RAD51B: variants seen among roughly 807,000 people sequenced by gnomAD.
The protein encoded by RAD51B is RAD51 paralog B, also known as DNA repair protein RAD51 homolog 2.
A neutral mutation model predicts 42.2 loss-of-function variants in RAD51B; 38 were observed. The observed-to-expected ratio is 0.90, with a 90% CI of 0.70 to 1.18. The LOEUF (loss-of-function observed/expected upper bound fraction) is 1.18. Among genes scored for constraint, RAD51B ranks in the 50% most tolerant of loss-of-function variants. The probability of loss-of-function intolerance (pLI) is 0.00; values close to 1 mark genes in which losing one functional copy is unlikely to be tolerated. For missense variants in RAD51B, 373 were observed against 400.7 expected (o/e 0.93, Z 0.59); for synonymous variants, 154 against 145.2 (o/e 1.06, Z -0.43).
At chr14:68,655,561 T>C (rs1892797836) in intron 11 of RAD51B, among the ~76,000 whole-genome samples, 1 of 152,030 alleles carries the variant, frequency 6.6e-6, no homozygotes, top group South Asian at 2.1e-4. Context: ...GATGGGCAGA[T>C]TTAGTTCATC....
intron 7 of RAD51B, among the ~76,000 whole-genome samples, chr14:67,991,771 A>G (rs1304352611): frequency 6.6e-6 from 1 of 152,206 alleles, no homozygotes; most frequent in Non-Finnish European, 1.5e-5. Context: ...ATTGGGTGAT[A>G]TAGACAGTCT....
At chr14:68,001,080 G>C (rs1300812377) in intron 7 of RAD51B, among the ~76,000 whole-genome samples, 1 of 151,920 alleles carries the variant, frequency 6.6e-6, no homozygotes, top group Non-Finnish European at 1.5e-5. Flanking sequence ...ATTTATTCAT[G>C]GGTTTTTAAT....
chr14:67,820,456 G>T (rs1041760266), intron 1 of RAD51B, among the ~76,000 whole-genome samples: 2 of 152,032 alleles, frequency 1.3e-5, no homozygotes, highest in African/African-American at 4.8e-5. Context: ...TTCTTTTCTT[G>T]GTGGTAAGGA....
intron 7 of RAD51B, among the ~76,000 whole-genome samples, chr14:68,091,103 G>T (rs1793226281): frequency 6.6e-6 from 1 of 151,984 alleles, no homozygotes; most frequent in African/African-American, 2.4e-5. Context: ...GTCTATCATT[G>T]TTGGACATTT....
At chr14:68,257,985 A>G (rs2080789201) in intron 7 of RAD51B, among the ~76,000 whole-genome samples, 2 of 152,226 alleles carry the variant, frequency 1.3e-5, no homozygotes, top group African/African-American at 2.4e-5. Context: ...AGTGCCACAC[A>G]TTATGCTGGA....
At chr14:68,004,865 C>A (rs1446893445) in intron 7 of RAD51B, among the ~76,000 whole-genome samples, 3 of 150,028 alleles carry the variant, frequency 2.0e-5, no homozygotes, top group South Asian at 2.1e-4. Context: ...ATACAGAATG[C>A]TTTTTTTTTG....
At chr14:67,824,180 C>T (rs1003982529) in intron 2 of RAD51B, among the ~76,000 whole-genome samples, 1 of 152,254 alleles carries the variant, frequency 6.6e-6, no homozygotes, top group Non-Finnish European at 1.5e-5. Context: ...CCAGCCTCAA[C>T]TCCCAGCTAG....
chr14:68,293,663 C>A (rs1429510983), intron 8 of RAD51B, among the ~76,000 whole-genome samples: 1 of 152,208 alleles, frequency 6.6e-6, no homozygotes, highest in Non-Finnish European at 1.5e-5. Context: ...ACATCCACTC[C>A]TTCGAGGCTT....
intron 7 of RAD51B, among the ~76,000 whole-genome samples, chr14:68,234,477 T>C (rs535420221): frequency 2.6e-5 from 4 of 152,304 alleles, no homozygotes; most frequent in African/African-American, 9.6e-5. Context: ...TCGAGTGCAC[T>C]TACAAAAACC....
At chr14:68,020,025 AAGCTT>A (rs1566583099) in intron 7 of RAD51B, among the ~76,000 whole-genome samples, 1 of 152,174 alleles carries the variant, frequency 6.6e-6, no homozygotes, top group African/African-American at 2.4e-5. Context: ...GTACCCAGCT[AAGCTT>A]TGGGGTTCTT....
chr14:68,406,072 T>G (rs1409462429), intron 8 of RAD51B, among the ~76,000 whole-genome samples: 1 of 152,142 alleles, frequency 6.6e-6, no homozygotes, highest in Non-Finnish European at 1.5e-5. Flanking sequence ...GATTCAAAAT[T>G]TAGTGGAAAT....
chr14:68,654,389 C>T (rs1892766182), intron 11 of RAD51B, among the ~76,000 whole-genome samples: 1 of 152,186 alleles, frequency 6.6e-6, no homozygotes, highest in African/African-American at 2.4e-5. Flanking sequence ...CTCATCCCTC[C>T]TTGTTTGCTT....
intron 10 of RAD51B, among the ~76,000 whole-genome samples, chr14:68,504,338 G>T (rs530292849): frequency 2.0e-5 from 3 of 152,312 alleles, no homozygotes; most frequent in Admixed American, 2.0e-4. Flanking sequence ...ACTTTGGCCT[G>T]CACACCATAT....
chr14:68,485,612 C>G (rs1413918670), intron 10 of RAD51B, among the ~76,000 whole-genome samples: 1 of 152,166 alleles, frequency 6.6e-6, no homozygotes, highest in Non-Finnish European at 1.5e-5. Flanking sequence ...GGAAGATATT[C>G]TCTCTTCATT....
In RAD51B at chr14:68,081,178, G is replaced by A. The variant is rs1215538699; in HGVS notation, c.756+193974G>A. 2.6e-5 allele frequency among the ~76,000 whole-genome samples: 4 copies of A among 152,182 alleles called. 1 individual carries two copies. Among genetic ancestry groups the A allele is most frequent in the African/African-American group, 9.7e-5 (4 of 41,438 alleles). On this transcript the variant is annotated intron_variant, in intron 7 of 10. Transcript: ENST00000471583. Reference sequence around the variant, plus strand: ...AAGAAATTTTGTCCTATAATGAGGTGCCTAAAGGATATAATTGTTTAGTAA... The same window carrying A: ...AAGAAATTTTGTCCTATAATGAGGTACCTAAAGGATATAATTGTTTAGTAA...
intron 7 of RAD51B, among the ~76,000 whole-genome samples, chr14:68,272,188 A>G (rs926071365): frequency 3.3e-5 from 5 of 152,160 alleles, no homozygotes; most frequent in African/African-American, 7.2e-5. Flanking sequence ...AGCTAATGGA[A>G]TTGGCTGTAG....
At position 68,087,889 on chromosome 14, in the gene RAD51B, T is replaced by G. The variant is rs900362614; in HGVS notation, c.756+200685T>G. 2.5e-5 allele frequency among the ~76,000 whole-genome samples: 2 copies of G among 81,164 alleles called. 1 individual carries two copies. The highest frequency in any genetic ancestry group is 1.3e-4 in the African/African-American group (2 of 14,988). 53.2% of individuals were successfully genotyped at this position (81,164 alleles called of 152,430 possible). A position where few individuals can be genotyped will look rare whatever the true frequency, so the allele number is the denominator to read the frequency against. On this transcript the variant is annotated intron_variant, in intron 7 of 10. Coordinates refer to ENST00000471583, the MANE Select transcript of RAD51B (RefSeq NM_133510.4). ...ATAATATATTATTTATATAATTATA[T>G]AATATATTATTTATATAATTATATA...
chr14:68,091,708 T>A (rs1785174416), intron 7 of RAD51B, among the ~76,000 whole-genome samples: 1 of 152,242 alleles, frequency 6.6e-6, no homozygotes, highest in African/African-American at 2.4e-5. Flanking sequence ...TTTAATTAGA[T>A]CCCATTTGTC....
rs115310781 is a variant in RAD51B, at chr14:68,307,456, T to G, written c.853+15476T>G. Among the ~76,000 whole-genome samples, 880 of 151,954 alleles carry G rather than the reference T, an allele frequency of 5.8e-3. 6 individuals carry two copies. The highest frequency in any genetic ancestry group is 0.02 in the African/African-American group (823 of 41,360). ...AATATCTCCTGAATTGAATTTACCCTTTTGATATGGAGTCTTTCAGCTGCC... is the reference window on the plus strand; with the variant it reads ...AATATCTCCTGAATTGAATTTACCCGTTTGATATGGAGTCTTTCAGCTGCC... On this transcript the variant is annotated intron_variant, in intron 8 of 10. Transcript: ENST00000471583.
Sources: allele counts gnomAD v4.1 joint callset (sites outside exome capture counted in the v4.1 genomes callset), GRCh38; gene constraint gnomAD v4.1.1; transcripts MANE v1.5; gene names NCBI Gene and HGNC (gene_info 2026-07-23, HGNC 2026-07-21).